Variants in FANCC observed in about 807,000 individuals in gnomAD.
FANCC encodes the protein Fanconi anemia group C protein.
A neutral mutation model predicts 71.3 loss-of-function variants in FANCC; 55 were observed. The ratio of observed to expected loss-of-function variants is 0.77; its 90% CI spans 0.62 to 0.97. The LOEUF is 0.97. FANCC is among the 50% of genes least tolerant of loss of function. FANCC has a pLI of 0.00. For missense variants in FANCC, 678 were observed against 670.9 expected, an observed-to-expected ratio of 1.01 and a Z score of -0.12; for synonymous variants, 275 against 244.9, an observed-to-expected ratio of 1.12 and a Z score of -1.15.
intron 7 of FANCC, among the ~76,000 whole-genome samples, chr9:95,148,338 T>C (rs538543256): frequency 2.2e-4 from 33 of 152,330 alleles, no homozygotes; most frequent in African/African-American, 7.7e-4. Flanking sequence ...GTGGGCTCAC[T>C]TGACCACTTT....
At chr9:95,300,417 A>G (rs1468856024) in intron 1 of FANCC, among the ~76,000 whole-genome samples, 2 of 152,214 alleles carry the variant, frequency 1.3e-5, no homozygotes, top group African/African-American at 4.8e-5. Context: ...GTCAGGTGAT[A>G]ACCAAGAAAA....
intron 6 of FANCC, among the ~76,000 whole-genome samples, chr9:95,154,825 G>A (rs1830366737): frequency 6.6e-6 from 1 of 151,870 alleles, no homozygotes; most frequent in Non-Finnish European, 1.5e-5. Flanking sequence ...CTGGGCAACA[G>A]GCACACAGTT....
chr9:95,296,474 C>T (rs1288063007), intron 1 of FANCC, among the ~76,000 whole-genome samples: 6 of 151,094 alleles, frequency 4.0e-5, no homozygotes, highest in Admixed American at 4.0e-4. Flanking sequence ...TGATATGTTC[C>T]CATACCAAAT....
intron 1 of FANCC, among the ~76,000 whole-genome samples, chr9:95,268,136 T>C (rs911092044): frequency 1.3e-5 from 2 of 152,228 alleles, no homozygotes; most frequent in African/African-American, 4.8e-5. Context: ...GTGAAGTAAC[T>C]TTCGTTTTAT....
chr9:95,311,707 A>ATGTGTGTGTGTG (rs1365951838), intron 1 of FANCC, among the ~76,000 whole-genome samples: 1 of 93,892 alleles, frequency 1.1e-5, no homozygotes, highest in African/African-American at 5.0e-5. Flanking sequence ...TCTCCTCTGA[A>ATGTGTGTGTGTG]TCTGTGTGTG....
intron 4 of FANCC, among the ~76,000 whole-genome samples, chr9:95,228,895 A>G (rs1031066998): frequency 1.3e-5 from 2 of 152,112 alleles, no homozygotes; most frequent in Non-Finnish European, 2.9e-5. Context: ...AAAATCAGTA[A>G]CACCCCACAG....
intron 4 of FANCC, among the ~76,000 whole-genome samples, chr9:95,194,830 T>TTTTAG (rs1201584258): frequency 6.6e-6 from 1 of 152,068 alleles, no homozygotes; most frequent in Non-Finnish European, 1.5e-5. Flanking sequence ...GAACACAAGG[T>TTTTAG]TTTAGTTTTG....
intron 6 of FANCC, among the ~76,000 whole-genome samples, chr9:95,166,549 C>G: frequency 6.6e-6 from 1 of 152,090 alleles, no homozygotes; most frequent in East Asian, 1.9e-4. Context: ...TATTTTGTAT[C>G]TATCAACACA....
Position 95,111,506 on chromosome 9 carries a change from TAGA to T in FANCC, c.1283_1285del (p.Phe428del), listed in dbSNP as rs1588047930. On this transcript the variant is annotated inframe_deletion, in exon 13 of 15. Coordinates refer to ENST00000289081, the MANE Select transcript of FANCC (RefSeq NM_000136.3). Reference sequence around the variant, plus strand: ...CTGCCTCCCATCACGGGGGCCGTAGTAGAAGGCCAAGAGCCACAGCAGGGCCGT... The same window carrying T: ...CTGCCTCCCATCACGGGGGCCGTAGTAGGCCAAGAGCCACAGCAGGGCCGT... 3 of 1,613,984 alleles carry T rather than the reference TAGA, an allele frequency of 1.9e-6. No individual in the cohort carries two copies. Among genetic ancestry groups the T allele is most frequent in the Non-Finnish European group, 2.5e-6 (3 of 1,180,028 alleles).
chr9:95,294,302 A>T (rs1834243215), intron 1 of FANCC: 2 of 1,583,868 alleles, frequency 1.3e-6, no homozygotes, highest in Non-Finnish European at 1.7e-6. Context: ...GAAGAGAGTG[A>T]ACTTAGCACC....
At chr9:95,114,428 A>G (rs1588059657) in intron 12 of FANCC, 1 of 667,396 alleles carries the variant, frequency 1.5e-6, no homozygotes, top group Non-Finnish European at 2.7e-6. Flanking sequence ...ATACATGCGC[A>G]TGCCTATTCA....
chr9:95,113,318 G>A (rs1184904497), intron 12 of FANCC, among the ~76,000 whole-genome samples: 1 of 152,204 alleles, frequency 6.6e-6, no homozygotes, highest in East Asian at 1.9e-4. Context: ...GAGAATTCCA[G>A]GAGTGAAAAG....
chr9:95,273,309 A>G (rs1280180256), intron 1 of FANCC, among the ~76,000 whole-genome samples: 2 of 152,134 alleles, frequency 1.3e-5, no homozygotes, highest in Admixed American at 1.3e-4. Context: ...TCACAACCCA[A>G]AGAGTCTTTA....
At chr9:95,221,532 T>G (rs1175202912) in intron 4 of FANCC, among the ~76,000 whole-genome samples, 2 of 152,042 alleles carry the variant, frequency 1.3e-5, no homozygotes, top group Non-Finnish European at 2.9e-5. Flanking sequence ...ATTTTTAAAT[T>G]TAAAGTAAAA....
intron 4 of FANCC, among the ~76,000 whole-genome samples, chr9:95,194,905 C>T (rs1330497367): frequency 6.6e-6 from 1 of 152,082 alleles, no homozygotes; most frequent in East Asian, 1.9e-4. Context: ...AGTATAGAAA[C>T]TATGCCTAGT....
intron 4 of FANCC, among the ~76,000 whole-genome samples, chr9:95,228,820 T>C (rs913296090): frequency 3.3e-5 from 5 of 151,338 alleles, no homozygotes; most frequent in Non-Finnish European, 7.4e-5. Flanking sequence ...CAGGAAGGAG[T>C]TGCTGGGCAC....
intron 10 of FANCC, among the ~76,000 whole-genome samples, chr9:95,119,715 CCTTT>C (rs896927980): frequency 6.7e-6 from 1 of 150,190 alleles, no homozygotes; most frequent in African/African-American, 2.5e-5. Flanking sequence ...ATTTTACATT[CCTTT>C]CTTATTTTTT....
At chr9:95,197,282 A>AT (rs1269725389) in intron 4 of FANCC, among the ~76,000 whole-genome samples, 1 of 152,192 alleles carries the variant, frequency 6.6e-6, no homozygotes, top group East Asian at 1.9e-4. Context: ...CACACCTGTA[A>AT]TCCCAGCACC....
intron 4 of FANCC, among the ~76,000 whole-genome samples, chr9:95,175,525 C>T (rs1825959457): frequency 6.6e-6 from 1 of 152,136 alleles, no homozygotes; most frequent in Non-Finnish European, 1.5e-5. Context: ...GACCATAGCC[C>T]CAAGAGAGTT....
Sources: gnomAD v4.1 joint callset for allele counts (sites outside exome capture counted in the v4.1 genomes callset) on GRCh38, gnomAD v4.1.1 for gene constraint, MANE v1.5 for transcripts, NCBI Gene and HGNC (gene_info 2026-07-23, HGNC 2026-07-21) for gene names.